Variants in ITPK1 observed in about 807,000 individuals in gnomAD.
ITPK1 encodes the protein inositol-tetrakisphosphate 1-kinase, also known as inositol 1,3,4-trisphosphate 5/6-kinase.
ITPK1 carries 21 observed loss-of-function variants against 45.3 expected under a neutral mutation model. The observed-to-expected ratio is 0.46, with a 90% CI of 0.33 to 0.67. ITPK1 has a LOEUF of 0.67. Among genes scored for constraint, ITPK1 ranks in the 30% least tolerant of loss-of-function variants. The pLI, the probability that ITPK1 is intolerant of heterozygous loss-of-function variation, is 0.02. For synonymous variants in ITPK1, 258 were observed against 253.6 expected (o/e 1.02, Z -0.16); for missense variants, 474 against 573.5 (o/e 0.83, Z 1.77).
Position 92,973,903 on chromosome 14 carries a change from G to C in ITPK1, c.365-11054C>G, listed in dbSNP as rs117145538. Among the ~76,000 whole-genome samples the C allele has an allele frequency of 1.5e-3, 231 of 152,346 alleles. 6 individuals are homozygous for C. The East Asian group carries it at 0.041, about 27-fold the overall frequency. ...CCTCACCACCACAGCACAAGGTCCT[G>C]TCCACGTGGCCTGGCTGGAGGGCTC... On this transcript the variant is annotated intron_variant, in intron 5 of 10. Coordinates refer to ENST00000267615, the MANE Select transcript of ITPK1 (RefSeq NM_014216.6).
At chr14:93,005,025 C>A (rs143982693) in intron 4 of ITPK1, among the ~76,000 whole-genome samples, 1 of 152,110 alleles carries the variant, frequency 6.6e-6, no homozygotes, top group African/African-American at 2.4e-5. Context: ...GACGGACCAG[C>A]TGAGGAGTTT....
At chr14:93,099,251 C>T (rs969623865) in intron 2 of ITPK1, among the ~76,000 whole-genome samples, 10 of 152,112 alleles carry the variant, frequency 6.6e-5, no homozygotes, top group Admixed American at 3.9e-4. Flanking sequence ...CCTCCAGCTC[C>T]GACAACCCCC....
At chr14:93,057,409 C>T (rs1890252747) in intron 3 of ITPK1, among the ~76,000 whole-genome samples, 1 of 152,214 alleles carries the variant, frequency 6.6e-6, no homozygotes, top group South Asian at 2.1e-4. Context: ...CTCACACATT[C>T]ACTCACTCAC....
rs545808706 is a variant in ITPK1, at chr14:92,959,287, G to C, written c.505-921C>G. 8.0e-4 allele frequency among the ~76,000 whole-genome samples: 122 copies of C among 152,336 alleles called. 1 individual carries two copies. The highest frequency in any genetic ancestry group is 2.9e-3 in the African/African-American group (120 of 41,576). ...GTCATGGCTAATCCCTCAGCCCGCA[G>C]GGCCCCAGGAAGGAGCCACCAGACG... On this transcript the variant is annotated intron_variant, in intron 7 of 10. Coordinates refer to ENST00000267615, the MANE Select transcript of ITPK1 (RefSeq NM_014216.6).
At chr14:93,038,845 G>A (rs1271746051) in intron 3 of ITPK1, among the ~76,000 whole-genome samples, 5 of 152,130 alleles carry the variant, frequency 3.3e-5, no homozygotes, top group Admixed American at 1.3e-4. Flanking sequence ...GTTTAAAACC[G>A]GAAAACCATT....
At chr14:93,100,608 T>C (rs190083615) in intron 2 of ITPK1, among the ~76,000 whole-genome samples, 2 of 151,764 alleles carry the variant, frequency 1.3e-5, no homozygotes, top group East Asian at 3.9e-4. Flanking sequence ...TATTGGACTG[T>C]CGCCTGAGTC....
chr14:93,087,723 T>C (rs529468309), intron 2 of ITPK1, among the ~76,000 whole-genome samples: 3 of 152,282 alleles, frequency 2.0e-5, no homozygotes, highest in African/African-American at 4.8e-5. Flanking sequence ...CCTGGAAGCA[T>C]TCATGTGTCA....
chr14:93,095,571 T>C (rs1892043037), intron 2 of ITPK1, among the ~76,000 whole-genome samples: 2 of 137,886 alleles, frequency 1.5e-5, no homozygotes, highest in African/African-American at 2.6e-5. Context: ...AGTCACGGAC[T>C]AGGTTTTTTT....
At chr14:92,950,804 A>T (rs1056439809) in intron 9 of ITPK1, among the ~76,000 whole-genome samples, 3 of 152,238 alleles carry the variant, frequency 2.0e-5, no homozygotes, top group African/African-American at 7.2e-5. Flanking sequence ...CTTGCACAGA[A>T]CATCTCATAA....
At chr14:93,098,177 C>T (rs913064303) in intron 2 of ITPK1, among the ~76,000 whole-genome samples, 2 of 152,060 alleles carry the variant, frequency 1.3e-5, no homozygotes, top group Non-Finnish European at 2.9e-5. Context: ...AAATTAATGG[C>T]CGGGTGCGGT....
intron 10 of ITPK1, among the ~76,000 whole-genome samples, chr14:92,943,430 C>G (rs1887530422): frequency 6.6e-6 from 1 of 152,222 alleles, no homozygotes; most frequent in Admixed American, 6.5e-5. Context: ...TCTTGAATAC[C>G]ACATGGTGCC....
At chr14:93,003,522 G>C (rs1389384223) in intron 4 of ITPK1, among the ~76,000 whole-genome samples, 1 of 152,242 alleles carries the variant, frequency 6.6e-6, no homozygotes, top group African/African-American at 2.4e-5. Context: ...GGCTGGCATA[G>C]GGTTGGAGTT....
Position 92,940,745 on chromosome 14 carries a change from T to C in ITPK1, c.*816A>G. 2.3e-6 allele frequency: 3 copies of C among 1,289,166 alleles called. No homozygotes were observed. In the South Asian group the frequency reaches 3.7e-5, roughly 16 times the overall value. The allele number at this position is 1,289,166 out of a possible 1,614,324, so 79.9% of individuals were successfully genotyped here. On this transcript the variant is annotated 3_prime_UTR_variant, in exon 11 of 11. Coordinates refer to ENST00000267615, the MANE Select transcript of ITPK1 (RefSeq NM_014216.6). ...GGGGTGGAGGCCCAAAGACCTGGAA[T>C]GATTTGCCCAAATCACAGCACAAAT...
intron 2 of ITPK1, among the ~76,000 whole-genome samples, chr14:93,087,147 C>T (rs536316960): frequency 6.6e-6 from 1 of 152,244 alleles, no homozygotes; most frequent in East Asian, 1.9e-4. Flanking sequence ...AGGTCAGAGG[C>T]AGGCTTCCTT....
intron 6 of ITPK1, among the ~76,000 whole-genome samples, 173 bp from the exon 7 acceptor site, chr14:92,962,568 G>A (rs1045588704): frequency 1.3e-5 from 2 of 152,138 alleles, no homozygotes; most frequent in African/African-American, 2.4e-5. Flanking sequence ...AGGAGAGCAC[G>A]TTGACCTGTG....
chr14:93,095,248 T>C (rs1022097626), intron 2 of ITPK1, among the ~76,000 whole-genome samples: 1 of 152,226 alleles, frequency 6.6e-6, no homozygotes, highest in African/African-American at 2.4e-5. Context: ...GATGAGTTAT[T>C]TGTAGTAATT....
At chr14:92,999,356 A>G (rs1188866465) in intron 4 of ITPK1, among the ~76,000 whole-genome samples, 4 of 152,232 alleles carry the variant, frequency 2.6e-5, no homozygotes, top group African/African-American at 9.6e-5. Context: ...TCAGAGACAA[A>G]GTCCCGGGCT....
At position 93,050,103 on chromosome 14, in the gene ITPK1, G is replaced by A. The variant is rs182777131; in HGVS notation, c.120+26492C>T. On this transcript the variant is annotated intron_variant, in intron 3 of 10. Coordinates refer to ENST00000267615, the MANE Select transcript of ITPK1 (RefSeq NM_014216.6). ...AACAAAGGCCAGGGGGCAGCAGGCC[G>A]TAGGAAATACTCTCACTGCCTTAAA... Among the ~76,000 whole-genome samples the A allele has an allele frequency of 5.2e-3, 788 of 152,298 alleles. 8 individuals carry two copies. Among genetic ancestry groups the A allele is most frequent in the South Asian group, 0.012 (56 of 4,818 alleles).
At chr14:93,086,453 A>C (rs1306134548) in intron 2 of ITPK1, among the ~76,000 whole-genome samples, 2 of 152,244 alleles carry the variant, frequency 1.3e-5, no homozygotes, top group Non-Finnish European at 2.9e-5. Flanking sequence ...AACCACAGGC[A>C]GCGAGAGTTT....
Sources: gnomAD v4.1 joint callset for allele counts (sites outside exome capture counted in the v4.1 genomes callset) on GRCh38, gnomAD v4.1.1 for gene constraint, MANE v1.5 for transcripts, NCBI Gene and HGNC (gene_info 2026-07-23, HGNC 2026-07-21) for gene names.